RANBP2: variants seen among roughly 807,000 people sequenced by gnomAD.
The protein encoded by RANBP2 is E3 SUMO-protein ligase RanBP2.
In RANBP2, 57 loss-of-function variants were observed where a neutral mutation model predicts 303.6. The ratio of observed to expected loss-of-function variants is 0.19; its 90% CI spans 0.15 to 0.23. RANBP2 has a LOEUF of 0.23. Ranked by LOEUF, RANBP2 falls within the 10% of genes least tolerant of loss-of-function variation. The pLI, the probability that RANBP2 is intolerant of heterozygous loss-of-function variation, is 1.00. For missense variants in RANBP2, 3,138 were observed against 3,780.8 expected, an observed-to-expected ratio of 0.83 and a Z score of 4.46; for synonymous variants, 1,167 against 1,301.5, an observed-to-expected ratio of 0.90 and a Z score of 2.23.
chr2:109,526,153 C>T, the RANBP2 span, among the ~76,000 whole-genome samples: 2 of 152,238 alleles, frequency 1.3e-5, no homozygotes, highest in African/African-American at 2.4e-5. Flanking sequence ...GATGCTATTT[C>T]CCTCTTTTGT....
At chr2:108,815,459 G>GTGTT in the RANBP2 span, among the ~76,000 whole-genome samples, 3 of 87,366 alleles carry the variant, frequency 3.4e-5, no homozygotes, top group African/African-American at 1.1e-4. Flanking sequence ...GAGGTTTTTG[G>GTGTT]TGTTTTTTTT....
the RANBP2 span, among the ~76,000 whole-genome samples, chr2:109,200,211 C>T: frequency 6.6e-6 from 1 of 151,990 alleles, no homozygotes; most frequent in African/African-American, 2.4e-5. Flanking sequence ...CCAGAACACC[C>T]CATCTGCAGA....
At chr2:109,078,118 AGCGTG>A in the RANBP2 span, among the ~76,000 whole-genome samples, 21 of 45,548 alleles carry the variant, frequency 4.6e-4, 1 homozygote, top group East Asian at 7.8e-3. Flanking sequence ...ATATATATAT[AGCGTG>A]TATATATATA....
At chr2:108,744,478 G>A (rs371778770) in intron 7 of RANBP2, among the ~76,000 whole-genome samples, 2 of 151,926 alleles carry the variant, frequency 1.3e-5, no homozygotes, top group Admixed American at 6.6e-5. Flanking sequence ...ACTGGTCACA[G>A]ATTCAACTGT....
the RANBP2 span, among the ~76,000 whole-genome samples, chr2:108,996,310 A>G: frequency 3.3e-5 from 5 of 152,196 alleles, no homozygotes; most frequent in Non-Finnish European, 7.3e-5. Flanking sequence ...CCCCAGGTGC[A>G]GGGATGTACG....
downstream of RANBP2, chr2:108,786,645 G>C (rs826554): frequency 0.24 from 150,314 of 625,490 alleles, 19,323 homozygotes; most frequent in African/African-American, 0.35. Flanking sequence ...CGAGAAACTT[G>C]GAGGACGCGC....
At chr2:109,202,528 A>G in the RANBP2 span, among the ~76,000 whole-genome samples, 315 of 152,362 alleles carry the variant, frequency 2.1e-3, 1 homozygote, top group African/African-American at 7.0e-3. Context: ...GTGGGTGGTC[A>G]GCATGGCTGC....
chr2:108,830,321 G>C, the RANBP2 span, among the ~76,000 whole-genome samples: 4 of 152,162 alleles, frequency 2.6e-5, no homozygotes, highest in Non-Finnish European at 5.9e-5. Flanking sequence ...CAAAAGTTTT[G>C]GGGATGGATA....
chr2:109,356,962 T>C, the RANBP2 span, among the ~76,000 whole-genome samples: 1 of 152,194 alleles, frequency 6.6e-6, no homozygotes, highest in African/African-American at 2.4e-5. Flanking sequence ...GGTCCACTTC[T>C]GCAGCACAGA....
chr2:109,086,533 G>A, the RANBP2 span, among the ~76,000 whole-genome samples: 3 of 152,268 alleles, frequency 2.0e-5, no homozygotes, highest in South Asian at 4.1e-4. Context: ...CATGGCAACC[G>A]AGCTGGGCTG....
the RANBP2 span, among the ~76,000 whole-genome samples, chr2:109,410,353 T>A: frequency 6.6e-6 from 1 of 152,232 alleles, no homozygotes; most frequent in Non-Finnish European, 1.5e-5. Context: ...GCAATGGAGC[T>A]TGCCTGGATC....
At position 108,773,149 on chromosome 2, in the gene RANBP2, CT is replaced by C. The variant is rs1677630142; in HGVS notation, c.8292+104del. 2.3e-6 allele frequency: 3 copies of C among 1,277,236 alleles called. No individual in the cohort carries two copies. The East Asian group carries it at 7.6e-5, about 32-fold the overall frequency. The allele number at this position is 1,277,236 out of a possible 1,614,324, so 79.1% of individuals were successfully genotyped here. A position where few individuals can be genotyped will look rare whatever the true frequency, so the allele number is the denominator to read the frequency against. The stretch of plus-strand genomic sequence containing the variant: ...TATTTATTTTTGAGACAGAATTTTA[CT>C]CTTGTTGCCCAGGCTGGAGTGCAAT... On this transcript the variant is annotated intron_variant, in intron 23 of 28. Coordinates refer to ENST00000283195, the MANE Select transcript of RANBP2 (RefSeq NM_006267.5).
At chr2:109,527,585 T>C in the RANBP2 span, among the ~76,000 whole-genome samples, 2 of 152,068 alleles carry the variant, frequency 1.3e-5, no homozygotes, top group Non-Finnish European at 2.9e-5. Flanking sequence ...ATGAATCCCA[T>C]AGGTGAGTTC....
At chr2:109,656,002 G>A in the RANBP2 span, among the ~76,000 whole-genome samples, 2 of 152,210 alleles carry the variant, frequency 1.3e-5, no homozygotes, top group Middle Eastern at 3.4e-3. Flanking sequence ...GTTTTGATTT[G>A]TAAACTGCTA....
chr2:109,550,345 C>T, the RANBP2 span, among the ~76,000 whole-genome samples: 1 of 150,960 alleles, frequency 6.6e-6, no homozygotes, highest in South Asian at 2.1e-4. Context: ...CGGATTCTCG[C>T]TCTGTTGCCC....
chr2:109,090,462 A>G, the RANBP2 span, among the ~76,000 whole-genome samples: 1 of 152,164 alleles, frequency 6.6e-6, no homozygotes, highest in Admixed American at 6.6e-5. Flanking sequence ...TGAAACAACA[A>G]AAATAAGTCC....
At chr2:109,249,223 G>T in the RANBP2 span, among the ~76,000 whole-genome samples, 1 of 152,220 alleles carries the variant, frequency 6.6e-6, no homozygotes, top group African/African-American at 2.4e-5. Flanking sequence ...ACTCCCCCCC[G>T]ACTCCTACCC....
the RANBP2 span, among the ~76,000 whole-genome samples, chr2:109,392,330 T>C: frequency 6.6e-6 from 1 of 152,160 alleles, no homozygotes; most frequent in Non-Finnish European, 1.5e-5. Context: ...GCAGTAGCAA[T>C]GGTGCTGCTT....
chr2:109,138,144 T>C, the RANBP2 span, among the ~76,000 whole-genome samples: 1 of 152,190 alleles, frequency 6.6e-6, no homozygotes, highest in Non-Finnish European at 1.5e-5. Context: ...GCCTCCCAAG[T>C]GGCTGGGACT....
Sources: allele counts gnomAD v4.1 joint callset (sites outside exome capture counted in the v4.1 genomes callset), GRCh38; gene constraint gnomAD v4.1.1; transcripts MANE v1.5; gene names NCBI Gene and HGNC (gene_info 2026-07-23, HGNC 2026-07-21).